LRP1B: variants seen among roughly 807,000 people sequenced by gnomAD.
LRP1B encodes the protein low-density lipoprotein receptor-related protein 1B.
LRP1B carries 217 observed loss-of-function variants against 556.6 expected under a neutral mutation model. The ratio of observed to expected loss-of-function variants is 0.39; its 90% CI spans 0.35 to 0.44. LRP1B has a LOEUF of 0.44. LRP1B is among the 20% of genes least tolerant of loss of function. LRP1B has a pLI of 1.00. For missense variants in LRP1B, 5,053 were observed against 5,620.8 expected, an observed-to-expected ratio of 0.90 and a Z score of 3.23; for synonymous variants, 2,047 against 1,865.8, an observed-to-expected ratio of 1.10 and a Z score of -2.50.
At chr2:141,041,133 C>A (rs1698685219) in intron 11 of LRP1B, among the ~76,000 whole-genome samples, 1 of 152,028 alleles carries the variant, frequency 6.6e-6, no homozygotes, top group African/African-American at 2.4e-5. Flanking sequence ...AACTTCTCTT[C>A]TGATATTATC....
At chr2:140,801,063 GC>G (rs1043736342) in intron 32 of LRP1B, among the ~76,000 whole-genome samples, 1 of 152,018 alleles carries the variant, frequency 6.6e-6, no homozygotes, top group Non-Finnish European at 1.5e-5. Context: ...TGTGTGTGTG[GC>G]CATTATTCTA....
chr2:141,933,928 C>A (rs7570185), intron 1 of LRP1B, among the ~76,000 whole-genome samples: 130,990 of 152,000 alleles, frequency 0.86, 56,594 homozygotes, highest in East Asian at 1. Context: ...CTCATAATAA[C>A]ACAAGTCATC....
chr2:140,580,236 T>C (rs1180371888), intron 43 of LRP1B, among the ~76,000 whole-genome samples: 1 of 152,160 alleles, frequency 6.6e-6, no homozygotes, highest in Non-Finnish European at 1.5e-5. Context: ...CAGTCACAGT[T>C]CATAACAAAA....
At chr2:141,854,237 A>G (rs1480879826) in intron 1 of LRP1B, among the ~76,000 whole-genome samples, 1 of 152,014 alleles carries the variant, frequency 6.6e-6, no homozygotes, top group Non-Finnish European at 1.5e-5. Flanking sequence ...AGTTCCCACT[A>G]TCTCACAAAG....
chr2:141,027,474 C>T (rs1380952757), intron 11 of LRP1B, among the ~76,000 whole-genome samples: 1 of 151,844 alleles, frequency 6.6e-6, no homozygotes, highest in Non-Finnish European at 1.5e-5. Context: ...TAACAAATGT[C>T]CATATGAAGG....
chr2:140,377,802 A>C (rs556626877), intron 68 of LRP1B, among the ~76,000 whole-genome samples: 2 of 152,190 alleles, frequency 1.3e-5, no homozygotes, highest in African/African-American at 4.8e-5. Context: ...GAAGAAAGAG[A>C]CTGGGGAGAA....
At chr2:141,049,319 T>A in intron 10 of LRP1B, 97 bp from the exon 11 acceptor site, 1 of 781,462 alleles carries the variant, frequency 1.3e-6, no homozygotes. Flanking sequence ...TAGCGTTTTT[T>A]AAATTCAATG....
chr2:142,022,647 TCTCA>T (rs1487147438), intron 1 of LRP1B, among the ~76,000 whole-genome samples: 2 of 151,688 alleles, frequency 1.3e-5, no homozygotes, highest in African/African-American at 2.4e-5. Context: ...AATAAACAAA[TCTCA>T]CTGCTTTTAT....
chr2:141,000,378 A>G (rs764038325), intron 15 of LRP1B, among the ~76,000 whole-genome samples: 2 of 152,118 alleles, frequency 1.3e-5, no homozygotes, highest in Non-Finnish European at 2.9e-5. Flanking sequence ...ATAGTCAGTA[A>G]AGTATAAAAG....
At chr2:140,612,584 C>G (rs992439942) in intron 41 of LRP1B, among the ~76,000 whole-genome samples, 1 of 152,052 alleles carries the variant, frequency 6.6e-6, no homozygotes, top group African/African-American at 2.4e-5. Flanking sequence ...TATGCATCCT[C>G]TCTCATCTCC....
chr2:140,748,837 TATAC>T (rs1688469142), intron 35 of LRP1B, among the ~76,000 whole-genome samples: 1 of 131,254 alleles, frequency 7.6e-6, no homozygotes, highest in Admixed American at 8.0e-5. Flanking sequence ...TCATATATTA[TATAC>T]ATGTATATAA....
At chr2:141,796,552 T>G (rs1695817736) in intron 2 of LRP1B, among the ~76,000 whole-genome samples, 1 of 151,136 alleles carries the variant, frequency 6.6e-6, no homozygotes, top group South Asian at 2.1e-4. Flanking sequence ...TCAATTTCAA[T>G]CTGAACATAG....
chr2:141,184,801 C>T (rs1008780286), intron 7 of LRP1B, among the ~76,000 whole-genome samples: 1 of 151,372 alleles, frequency 6.6e-6, no homozygotes, highest in Non-Finnish European at 1.5e-5. Flanking sequence ...TCAGAGGTAC[C>T]CTATACTTTT....
chr2:142,048,071 C>T (rs1310346931), intron 1 of LRP1B, among the ~76,000 whole-genome samples: 12 of 144,258 alleles, frequency 8.3e-5, no homozygotes, highest in African/African-American at 3.0e-4. Context: ...TCTACTATAT[C>T]ATAAGTGACC....
intron 71 of LRP1B, among the ~76,000 whole-genome samples, chr2:140,369,226 A>G (rs764865115): frequency 6.6e-6 from 1 of 151,966 alleles, no homozygotes; most frequent in Non-Finnish European, 1.5e-5. Flanking sequence ...GTAAAAACTG[A>G]CATAATCGGA....
intron 2 of LRP1B, among the ~76,000 whole-genome samples, chr2:141,756,544 T>TACACACACACACAC (rs35271250): frequency 1.4e-5 from 2 of 143,356 alleles, no homozygotes; most frequent in African/African-American, 2.8e-5. Flanking sequence ...TCTCTCAAAT[T>TACACACACACACAC]ACACACACAC....
chr2:140,381,533 T>C (rs926930805), intron 67 of LRP1B, among the ~76,000 whole-genome samples: 1 of 152,076 alleles, frequency 6.6e-6, no homozygotes, highest in Non-Finnish European at 1.5e-5. Flanking sequence ...ATGTTTTCCA[T>C]GTTTCAGAAG....
intron 3 of LRP1B, among the ~76,000 whole-genome samples, chr2:141,281,748 G>T (rs1685516523): frequency 6.6e-6 from 1 of 151,892 alleles, no homozygotes; most frequent in African/African-American, 2.4e-5. Flanking sequence ...CAAAACTAAA[G>T]AGTTAAGTAA....
chr2:141,112,455 C>A (rs1156746755), intron 7 of LRP1B, among the ~76,000 whole-genome samples: 1 of 152,080 alleles, frequency 6.6e-6, no homozygotes, highest in African/African-American at 2.4e-5. Context: ...TCTAATGTTC[C>A]TAAACGTAAG....
Sources: allele counts gnomAD v4.1 joint callset (sites outside exome capture counted in the v4.1 genomes callset), GRCh38; gene constraint gnomAD v4.1.1; transcripts MANE v1.5; gene names NCBI Gene and HGNC (gene_info 2026-07-23, HGNC 2026-07-21).